BASP1: variants seen among roughly 807,000 people sequenced by gnomAD.
The protein encoded by BASP1 is brain abundant membrane attached signal protein 1, also known as brain acid soluble protein 1.
BASP1 carries 1 observed loss-of-function variant against 2.2 expected under a neutral mutation model. The observed-to-expected ratio is 0.46, with a 90% CI of 0.16 to 2.17. The LOEUF is 2.17. Ranked by LOEUF, BASP1 falls within the 30% of genes most tolerant of loss-of-function variation. BASP1 has a pLI of 0.27. For synonymous variants in BASP1, 187 were observed against 154.2 expected (o/e 1.21, Z -1.58); for missense variants, 352 against 327.2 (o/e 1.08, Z -0.58).
intron 1 of BASP1, among the ~76,000 whole-genome samples, chr5:17,261,767 A>G (rs1740320017): frequency 1.3e-5 from 2 of 152,178 alleles, no homozygotes; most frequent in South Asian, 2.1e-4. Flanking sequence ...CTATCTTCCC[A>G]TAGATATTTT....
intron 1 of BASP1, among the ~76,000 whole-genome samples, chr5:17,222,550 A>T (rs1046263668): frequency 6.6e-6 from 1 of 152,194 alleles, no homozygotes; most frequent in Admixed American, 6.5e-5. Context: ...TCACCAGAAT[A>T]TAGTTCAATT....
In BASP1 at chr5:17,218,632, AGCGCGCGGCCCTAACT is replaced by A. The variant is rs1471623977; in HGVS notation, c.-10+824_-10+839del. On this transcript the variant is annotated intron_variant, in intron 1 of 1. Transcript: ENST00000322611. ...CGGGGGGTGTGGGCTTGAACCTGACAGCGCGCGGCCCTAACTGGGCTCAGCCCCGCTGGGAGCGTAG... is the reference window on the plus strand; with the variant it reads ...CGGGGGGTGTGGGCTTGAACCTGACAGGGCTCAGCCCCGCTGGGAGCGTAG... 3.3e-5 allele frequency among the ~76,000 whole-genome samples: 5 copies of A among 151,878 alleles called. No individual in the cohort carries two copies. The East Asian group carries it at 5.9e-4, about 18-fold the overall frequency.
At chr5:17,229,525 A>G (rs560647207) in intron 1 of BASP1, among the ~76,000 whole-genome samples, 2 of 152,214 alleles carry the variant, frequency 1.3e-5, no homozygotes, top group South Asian at 2.1e-4. Flanking sequence ...TCAATGACCT[A>G]TTGTTTCTGA....
At chr5:17,273,625 T>C (rs1740573758) in intron 1 of BASP1, among the ~76,000 whole-genome samples, 1 of 152,232 alleles carries the variant, frequency 6.6e-6, no homozygotes, top group Non-Finnish European at 1.5e-5. Context: ...ATATAGGTTA[T>C]TTCACTGTCA....
intron 1 of BASP1, among the ~76,000 whole-genome samples, chr5:17,225,908 T>G (rs188882049): frequency 6.6e-6 from 1 of 152,368 alleles, no homozygotes; most frequent in African/African-American, 2.4e-5. Flanking sequence ...GAAGTAGTCC[T>G]TAAAATATGG....
In BASP1 at chr5:17,260,671, T is replaced by C. The variant is rs1417897969; in HGVS notation, c.-9-14537T>C. ...GACTCTTCCATCTTACAGTTCATAA[T>C]TTGCAAATTAGATGTTCCCGTCTGT... On this transcript the variant is annotated intron_variant, in intron 1 of 1. Coordinates refer to ENST00000322611, the MANE Select transcript of BASP1 (RefSeq NM_006317.5). This position sits in a 1 kb window ranked among gnomAD's most constrained non-coding sequence, Gnocchi z 4.2. Among the ~76,000 whole-genome samples the C allele has an allele frequency of 6.6e-6, 1 of 152,242 alleles. No individual in the cohort carries two copies. Among genetic ancestry groups the C allele is most frequent in the Non-Finnish European group, 1.5e-5 (1 of 68,032 alleles).
chr5:17,230,388 C>T (rs920508259), intron 1 of BASP1, among the ~76,000 whole-genome samples: 62 of 151,926 alleles, frequency 4.1e-4, no homozygotes, highest in Middle Eastern at 6.8e-3. Flanking sequence ...AAGTGTGTGT[C>T]GGGAATCATG....
chr5:17,255,082 T>A (rs1740180149), intron 1 of BASP1, among the ~76,000 whole-genome samples: 1 of 152,192 alleles, frequency 6.6e-6, no homozygotes, highest in Non-Finnish European at 1.5e-5. Flanking sequence ...GGCAACATTT[T>A]ATTTATTTAT....
intron 1 of BASP1, among the ~76,000 whole-genome samples, chr5:17,233,613 G>A (rs149605572): frequency 1.4e-3 from 219 of 152,272 alleles, no homozygotes; most frequent in Middle Eastern, 6.8e-3. Context: ...TGTATGTTTT[G>A]TTTGGAAGCC....
At chr5:17,256,282 G>A (rs867059504) in intron 1 of BASP1, among the ~76,000 whole-genome samples, 2 of 152,308 alleles carry the variant, frequency 1.3e-5, no homozygotes, top group Middle Eastern at 3.4e-3. Context: ...TGTTAAAATT[G>A]TTTAAGGCCA....
intron 1 of BASP1, among the ~76,000 whole-genome samples, chr5:17,218,607 C>G (rs747326746): frequency 1.0e-3 from 154 of 152,104 alleles, no homozygotes; most frequent in Admixed American, 2.4e-3. Flanking sequence ...GGCCCGGGCC[C>G]GGGGGGTGTG....
intron 1 of BASP1, among the ~76,000 whole-genome samples, chr5:17,267,307 G>C (rs1031911641): frequency 3.3e-5 from 5 of 152,180 alleles, no homozygotes; most frequent in Non-Finnish European, 7.4e-5. Flanking sequence ...CTAGTTCTGC[G>C]TGAGTGAAGC....
intron 1 of BASP1, among the ~76,000 whole-genome samples, chr5:17,238,935 G>A (rs1367492268): frequency 6.6e-6 from 1 of 152,156 alleles, no homozygotes; most frequent in Non-Finnish European, 1.5e-5. Flanking sequence ...CTGATCAACG[G>A]GTAGGAAAGG....
intron 1 of BASP1, among the ~76,000 whole-genome samples, chr5:17,246,859 AC>A (rs1163842392): frequency 6.6e-6 from 1 of 152,164 alleles, no homozygotes; most frequent in Admixed American, 6.5e-5. Context: ...ATTGAGAATC[AC>A]CCTGCCTTCC....
chr5:17,218,535 T>A (rs1213758722), intron 1 of BASP1, among the ~76,000 whole-genome samples: 1 of 152,080 alleles, frequency 6.6e-6, no homozygotes, highest in East Asian at 1.9e-4. Flanking sequence ...CGGAGCAGTT[T>A]GTTTTTTCGA....
At chr5:17,252,790 A>G (rs1184586672) in intron 1 of BASP1, among the ~76,000 whole-genome samples, 1 of 152,220 alleles carries the variant, frequency 6.6e-6, no homozygotes, top group African/African-American at 2.4e-5. Context: ...GACCTGAATC[A>G]CACTCTCATC....
intron 1 of BASP1, among the ~76,000 whole-genome samples, chr5:17,255,637 T>C (rs1187237407): frequency 6.6e-6 from 1 of 152,118 alleles, no homozygotes; most frequent in Non-Finnish European, 1.5e-5. Flanking sequence ...GGGTAGGAAG[T>C]TGTAGAGATG....
chr5:17,227,164 C>T (rs1206862823), intron 1 of BASP1, among the ~76,000 whole-genome samples: 2 of 151,678 alleles, frequency 1.3e-5, no homozygotes, highest in East Asian at 3.9e-4. Flanking sequence ...CTCCTGACTT[C>T]GTGATCCACC....
chr5:17,260,801 C>T lies in BASP1; in HGVS notation c.-9-14407C>T, dbSNP rs6865825. Among the ~76,000 whole-genome samples, 6,929 of 152,238 alleles carry T rather than the reference C, an allele frequency of 0.046. 511 individuals are homozygous for T. The highest frequency in any genetic ancestry group is 0.15 in the African/African-American group (6,432 of 41,512). On this transcript the variant is annotated intron_variant, in intron 1 of 1. Transcript: ENST00000322611. The surrounding 1 kb of genome is among the most constrained non-coding windows in gnomAD (Gnocchi z 4.2). ...TGATGTTGAATAAATATTGAAGAAA[C>T]GCCCTAGGTCAAGATTCAAGTGAAG...
Sources: allele counts gnomAD v4.1 joint callset (sites outside exome capture counted in the v4.1 genomes callset), GRCh38; gene constraint gnomAD v4.1.1; non-coding constraint Gnocchi (gnomAD v3.1); transcripts MANE v1.5; gene names NCBI Gene and HGNC (gene_info 2026-07-23, HGNC 2026-07-21).